CTNND2: variants seen among roughly 807,000 people sequenced by gnomAD.
CTNND2 encodes catenin delta-2.
In CTNND2, 22 loss-of-function variants were observed where a neutral mutation model predicts 144.4. The observed-to-expected ratio is 0.15, with a 90% CI of 0.11 to 0.22. The LOEUF is 0.22. CTNND2 is among the 10% of genes least tolerant of loss of function. The probability of loss-of-function intolerance (pLI) is 1.00; values close to 1 mark genes in which losing one functional copy is unlikely to be tolerated. For synonymous variants in CTNND2, 751 were observed against 695.6 expected (o/e 1.08, Z -1.25); for missense variants, 1,353 against 1,618.8 (o/e 0.84, Z 2.82).
At chr5:11,159,522 A>C (rs1758551849) in intron 12 of CTNND2, 54 bp downstream of exon 12, 5 of 1,401,958 alleles carry the variant, frequency 3.6e-6, no homozygotes, top group Non-Finnish European at 4.9e-6. Flanking sequence ...GGAAAGAGAC[A>C]GTGTCTGGCC....
At chr5:11,662,871 G>A (rs1006827914) in intron 2 of CTNND2, among the ~76,000 whole-genome samples, 12 of 152,068 alleles carry the variant, frequency 7.9e-5, no homozygotes, top group African/African-American at 2.7e-4. Context: ...CCATGGTGTC[G>A]AAAAGGCTGG....
At chr5:11,265,879 T>A (rs1415925313) in intron 9 of CTNND2, among the ~76,000 whole-genome samples, 1 of 151,738 alleles carries the variant, frequency 6.6e-6, no homozygotes, top group Non-Finnish European at 1.5e-5. Context: ...GCTCAGGTAA[T>A]TTTTTTATTT....
chr5:11,879,341 G>GTATATATATATATA (rs1411823676), intron 1 of CTNND2, among the ~76,000 whole-genome samples: 3 of 109,340 alleles, frequency 2.7e-5, no homozygotes, highest in African/African-American at 9.0e-5. Context: ...TTAAATGTGT[G>GTATATATATATATA]TATATATATA....
At chr5:11,746,510 C>A (rs373730284) in intron 1 of CTNND2, among the ~76,000 whole-genome samples, 13 of 152,028 alleles carry the variant, frequency 8.6e-5, no homozygotes, top group Non-Finnish European at 1.5e-4. Context: ...TTTTTGAAAT[C>A]GGGATGGTTC....
chr5:11,480,353 T>C (rs1444805375), intron 3 of CTNND2, among the ~76,000 whole-genome samples: 1 of 152,186 alleles, frequency 6.6e-6, no homozygotes, highest in Non-Finnish European at 1.5e-5. Context: ...GGTTAATCAC[T>C]TCTTCATGAT....
At chr5:11,311,275 ACC>A (rs1750811801) in intron 9 of CTNND2, among the ~76,000 whole-genome samples, 2 of 49,528 alleles carry the variant, frequency 4.0e-5, no homozygotes, top group South Asian at 1.7e-3. Flanking sequence ...CACTCCATGC[ACC>A]CTCACCTCAC....
At chr5:11,027,178 C>T (rs1477634110) in intron 16 of CTNND2, 1 of 152,088 alleles carries the variant, frequency 6.6e-6, no homozygotes, top group Non-Finnish European at 1.5e-5. Flanking sequence ...CATGGACTCA[C>T]ATCTGAAAAA....
At chr5:11,289,095 C>T (rs1006918568) in intron 9 of CTNND2, among the ~76,000 whole-genome samples, 2 of 152,196 alleles carry the variant, frequency 1.3e-5, no homozygotes, top group African/African-American at 4.8e-5. Flanking sequence ...TCCCCCCCGC[C>T]TGTGCTCCCA....
intron 19 of CTNND2, among the ~76,000 whole-genome samples, chr5:10,991,220 A>T (rs972408003): frequency 3.3e-5 from 5 of 152,184 alleles, no homozygotes; most frequent in Non-Finnish European, 7.3e-5. Flanking sequence ...TTCATTTCTC[A>T]TCATGTTGAC....
intron 1 of CTNND2, among the ~76,000 whole-genome samples, chr5:11,893,319 T>C (rs924532705): frequency 2.6e-5 from 4 of 152,182 alleles, no homozygotes; most frequent in African/African-American, 9.7e-5. Context: ...ATAGCTACCC[T>C]TCAACTAGAA....
chr5:11,115,352 CTTATT>C (rs1289788613), intron 13 of CTNND2, among the ~76,000 whole-genome samples: 2 of 152,160 alleles, frequency 1.3e-5, no homozygotes, highest in Non-Finnish European at 2.9e-5. Flanking sequence ...GCTGTTGACT[CTTATT>C]TTATTTTCAG....
intron 9 of CTNND2, among the ~76,000 whole-genome samples, chr5:11,321,575 A>G (rs1752035212): frequency 6.6e-6 from 1 of 152,226 alleles, no homozygotes; most frequent in Non-Finnish European, 1.5e-5. Flanking sequence ...AGAATGATGT[A>G]TTAAAAATGT....
chr5:11,089,540 T>A (rs907515971), intron 15 of CTNND2, among the ~76,000 whole-genome samples: 1 of 152,228 alleles, frequency 6.6e-6, no homozygotes, highest in African/African-American at 2.4e-5. Flanking sequence ...AGTTGGAGAT[T>A]TTAAACTGTT....
chr5:11,116,369 C>T (rs1223778102), intron 13 of CTNND2, among the ~76,000 whole-genome samples: 1 of 152,182 alleles, frequency 6.6e-6, no homozygotes, highest in Non-Finnish European at 1.5e-5. Flanking sequence ...TCCTGCAATG[C>T]ACAAGACAGT....
intron 11 of CTNND2, among the ~76,000 whole-genome samples, chr5:11,160,269 A>G (rs1353226362): frequency 6.6e-6 from 1 of 152,228 alleles, no homozygotes; most frequent in Non-Finnish European, 1.5e-5. Flanking sequence ...CAACTGGCTC[A>G]ACAAGCAATT....
chr5:11,017,858 G>T, intron 18 of CTNND2, 116 bp downstream of exon 18: 1 of 763,554 alleles, frequency 1.3e-6, no homozygotes, highest in Non-Finnish European at 2.3e-6. Context: ...ACTGATTCTC[G>T]TTTCAGTTGT....
intron 14 of CTNND2, among the ~76,000 whole-genome samples, chr5:11,102,917 G>A (rs1752039061): frequency 6.7e-6 from 1 of 149,374 alleles, no homozygotes; most frequent in Admixed American, 6.7e-5. Context: ...CCTTTCTTTG[G>A]ATTTGCTTTA....
At chr5:11,347,701 C>A (rs60736843) in intron 8 of CTNND2, among the ~76,000 whole-genome samples, 2 of 152,282 alleles carry the variant, frequency 1.3e-5, no homozygotes, top group African/African-American at 4.8e-5. Context: ...TAGATAGGAC[C>A]ATTTATGACA....
intron 9 of CTNND2, among the ~76,000 whole-genome samples, chr5:11,325,965 A>G (rs1026722950): frequency 5.9e-5 from 9 of 152,158 alleles, no homozygotes; most frequent in African/African-American, 2.2e-4. Flanking sequence ...ACTGTAGTAC[A>G]TTTAAATGTT....
Sources: allele counts gnomAD v4.1 joint callset (sites outside exome capture counted in the v4.1 genomes callset), GRCh38; gene constraint gnomAD v4.1.1; transcripts MANE v1.5; gene names NCBI Gene and HGNC (gene_info 2026-07-23, HGNC 2026-07-21).